Variants in TOX observed in about 807,000 individuals in gnomAD.
TOX encodes thymocyte selection associated high mobility group box.
A neutral mutation model predicts 53.7 loss-of-function variants in TOX; 11 were observed. That is an observed-to-expected ratio of 0.20 (90% CI 0.13 to 0.34). The LOEUF (loss-of-function observed/expected upper bound fraction) is 0.34, where lower values mean the gene tolerates loss of function less well. Among genes scored for constraint, TOX ranks in the 10% least tolerant of loss-of-function variants. The pLI is 1.00. For missense variants in TOX, 570 were observed against 664.6 expected, an observed-to-expected ratio of 0.86 and a Z score of 1.56; for synonymous variants, 225 against 245.3, an observed-to-expected ratio of 0.92 and a Z score of 0.77.
At chr8:59,108,171 C>T (rs1026036388) in intron 1 of TOX, among the ~76,000 whole-genome samples, 1 of 152,176 alleles carries the variant, frequency 6.6e-6, no homozygotes, top group African/African-American at 2.4e-5. Flanking sequence ...AGAGCTTAAA[C>T]CTTAATGCTT....
At chr8:58,967,873 C>G (rs1812932721) in intron 1 of TOX, among the ~76,000 whole-genome samples, 1 of 152,172 alleles carries the variant, frequency 6.6e-6, no homozygotes, top group Non-Finnish European at 1.5e-5. Context: ...TTCTGGGAAC[C>G]TGAACTAAAA....
chr8:58,861,403 A>G (rs946214658), intron 3 of TOX, among the ~76,000 whole-genome samples: 2 of 152,148 alleles, frequency 1.3e-5, no homozygotes. Flanking sequence ...GAAGCCTTTT[A>G]TTTGTATTTG....
At chr8:58,839,686 C>T (rs564612655) in intron 4 of TOX, among the ~76,000 whole-genome samples, 1 of 152,334 alleles carries the variant, frequency 6.6e-6, no homozygotes, top group African/African-American at 2.4e-5. Context: ...TGCCCCCTAA[C>T]GAAGTGTCAA....
intron 6 of TOX, among the ~76,000 whole-genome samples, chr8:58,826,091 G>A (rs936348910): frequency 1.8e-4 from 28 of 152,168 alleles, no homozygotes; most frequent in African/African-American, 6.8e-4. Context: ...GAGTTACAAT[G>A]AGTCTGGATA....
At chr8:58,934,425 C>T (rs10283065) in intron 3 of TOX, among the ~76,000 whole-genome samples, 1,991 of 152,124 alleles carry the variant, frequency 0.013, 57 homozygotes, top group African/African-American at 0.046. Flanking sequence ...AAAGAGGTTC[C>T]CATTGAATAT....
intron 5 of TOX, among the ~76,000 whole-genome samples, chr8:58,828,592 G>T (rs1049358269): frequency 6.6e-6 from 1 of 151,766 alleles, no homozygotes; most frequent in Admixed American, 6.6e-5. Flanking sequence ...TTCTTTTTTG[G>T]AAATTCACAC....
chr8:59,077,109 T>C (rs1804305651), intron 1 of TOX, among the ~76,000 whole-genome samples: 1 of 152,194 alleles, frequency 6.6e-6, no homozygotes. Context: ...AGGGCAGAGC[T>C]CTGACCCACA....
At chr8:58,982,463 T>C (rs1192131378) in intron 1 of TOX, among the ~76,000 whole-genome samples, 2 of 152,202 alleles carry the variant, frequency 1.3e-5, no homozygotes, top group Non-Finnish European at 2.9e-5. Context: ...CTCAAGTTGA[T>C]TGTGTTCAAG....
chr8:58,891,399 C>T (rs1811559341), intron 3 of TOX, among the ~76,000 whole-genome samples: 1 of 152,032 alleles, frequency 6.6e-6, no homozygotes, highest in Admixed American at 6.6e-5. Flanking sequence ...AAGGACTAGT[C>T]AAAGGACCAA....
intron 3 of TOX, among the ~76,000 whole-genome samples, chr8:58,924,581 C>G (rs1812123268): frequency 6.6e-6 from 1 of 152,240 alleles, no homozygotes; most frequent in Admixed American, 6.5e-5. Flanking sequence ...CTTCCTTCCC[C>G]TGTGGAGGGC....
intron 1 of TOX, among the ~76,000 whole-genome samples, chr8:59,054,495 G>A (rs984690135): frequency 5.3e-5 from 8 of 152,120 alleles, no homozygotes; most frequent in African/African-American, 1.9e-4. Flanking sequence ...GTTTTAAATT[G>A]TCAGGATTTA....
At chr8:58,872,339 T>C (rs1445416921) in intron 3 of TOX, among the ~76,000 whole-genome samples, 5 of 152,118 alleles carry the variant, frequency 3.3e-5, no homozygotes, top group Non-Finnish European at 7.4e-5. Flanking sequence ...AAGTCTCCAA[T>C]GCCAAAGAAT....
At chr8:58,889,229 A>AAC (rs1811522105) in intron 3 of TOX, among the ~76,000 whole-genome samples, 2 of 142,068 alleles carry the variant, frequency 1.4e-5, no homozygotes, top group Non-Finnish European at 1.5e-5. Context: ...AAAAAAAAAA[A>AAC]AAACAAAAAA....
At chr8:58,906,972 T>C (rs951661698) in intron 3 of TOX, among the ~76,000 whole-genome samples, 1 of 152,250 alleles carries the variant, frequency 6.6e-6, no homozygotes, top group Non-Finnish European at 1.5e-5. Context: ...CTTCAGCCTG[T>C]AGCACTGAAA....
At chr8:59,026,608 T>C (rs917443693) in intron 1 of TOX, among the ~76,000 whole-genome samples, 3 of 152,136 alleles carry the variant, frequency 2.0e-5, no homozygotes, top group Non-Finnish European at 4.4e-5. Context: ...TTATTGTCAG[T>C]CCCATAAGCC....
chr8:58,978,342 A>G (rs1186109951), intron 1 of TOX, among the ~76,000 whole-genome samples: 2 of 152,182 alleles, frequency 1.3e-5, no homozygotes, highest in African/African-American at 4.8e-5. Flanking sequence ...GACAGGAAAA[A>G]ATCTGCATAA....
intron 3 of TOX, among the ~76,000 whole-genome samples, chr8:58,892,138 T>C (rs1811569666): frequency 6.6e-6 from 1 of 152,230 alleles, no homozygotes; most frequent in Non-Finnish European, 1.5e-5. Flanking sequence ...GTTGTTATAA[T>C]TGCTCCACTT....
intron 1 of TOX, among the ~76,000 whole-genome samples, chr8:59,113,658 C>T (rs181540523): frequency 9.9e-5 from 15 of 152,078 alleles, no homozygotes; most frequent in Admixed American, 2.0e-4. Context: ...TACAGACCTC[C>T]TAGGTTCAAA....
At chr8:59,009,325 T>A (rs1186287288) in intron 1 of TOX, among the ~76,000 whole-genome samples, 2 of 151,524 alleles carry the variant, frequency 1.3e-5, no homozygotes, top group African/African-American at 4.8e-5. Flanking sequence ...TTTCCTTCTT[T>A]CCTTCCTTCC....
Sources: allele counts gnomAD v4.1 joint callset (sites outside exome capture counted in the v4.1 genomes callset), GRCh38; gene constraint gnomAD v4.1.1; transcripts MANE v1.5; gene names NCBI Gene and HGNC (gene_info 2026-07-23, HGNC 2026-07-21).